The following DNAI1 variants were observed in gnomAD, a reference collection of about 807,000 sequenced individuals.
DNAI1 encodes the protein dynein axonemal intermediate chain 1.
DNAI1 carries 67 observed loss-of-function variants against 92.0 expected under a neutral mutation model. The observed-to-expected ratio is 0.73, with a 90% CI of 0.60 to 0.89. The LOEUF (loss-of-function observed/expected upper bound fraction) is 0.89. Ranked by LOEUF, DNAI1 falls within the 40% of genes least tolerant of loss-of-function variation. The probability of loss-of-function intolerance (pLI) is 0.00; values close to 1 mark genes in which losing one functional copy is unlikely to be tolerated. For missense variants in DNAI1, 839 were observed against 866.6 expected (o/e 0.97, Z 0.40); for synonymous variants, 323 against 319.6 (o/e 1.01, Z -0.11).
chr9:34,516,528 T>C (rs770887924), intron 18 of DNAI1, among the ~76,000 whole-genome samples: 76 of 152,252 alleles, frequency 5.0e-4, no homozygotes, highest in East Asian at 9.7e-4. Flanking sequence ...ACTTTACATA[T>C]ATTAACTGGT....
At chr9:34,477,963 T>A (rs1824272110) in intron 1 of DNAI1, among the ~76,000 whole-genome samples, 1 of 137,166 alleles carries the variant, frequency 7.3e-6, no homozygotes, top group Non-Finnish European at 1.5e-5. Flanking sequence ...CTCAGCTCAC[T>A]GTGACCTCTG....
At position 34,482,509 on chromosome 9, in the gene DNAI1, G is replaced by A. The variant is rs377629370; in HGVS notation, c.49-939G>A. Among the ~76,000 whole-genome samples the A allele has an allele frequency of 1.5e-3, 216 of 147,206 alleles. 1 individual carries two copies. The highest frequency in any genetic ancestry group is 5.2e-3 in the African/African-American group (204 of 39,398). On this transcript the variant is annotated intron_variant, in intron 1 of 19. Transcript: ENST00000242317. ...AGCTAGATACAGAGTGCTGATTGGTGTATTTACAATCCTTGAGCTAGACAT... is the reference window on the plus strand; with the variant it reads ...AGCTAGATACAGAGTGCTGATTGGTATATTTACAATCCTTGAGCTAGACAT...
At chr9:34,490,853 T>C (rs776921930) in intron 7 of DNAI1, among the ~76,000 whole-genome samples, 2 of 152,186 alleles carry the variant, frequency 1.3e-5, no homozygotes, top group African/African-American at 2.4e-5. Flanking sequence ...ATCTCTGTGA[T>C]AGACCAGCTG....
chr9:34,506,723 T>C lies in DNAI1; in HGVS notation c.1160T>C (p.Met387Thr). The change falls in exon 13 of 20, where the codon ATG becomes ACG. Residue 387 changes from methionine to threonine, a missense_variant. Transcript: ENST00000242317. ...EYMFSSNSGVMCLDIHVDHPY... is the reference protein window; with the variant it reads ...EYMFSSNSGVTCLDIHVDHPY... ...ATGTTCAGCAGCAACAGCGGCGTCA[T>C]GTGTCTCGACATCCACGTGGACCAC... 1.5e-5 allele frequency: 25 copies of C among 1,614,216 alleles called. No homozygotes were observed. The highest frequency in any genetic ancestry group is 2.1e-5 in the Non-Finnish European group (25 of 1,180,046).
intron 12 of DNAI1, among the ~76,000 whole-genome samples, chr9:34,503,538 T>C (rs1824871907): frequency 6.6e-6 from 1 of 152,220 alleles, no homozygotes. Context: ...ACCTCCTTTT[T>C]ATGGTATTCC....
intron 1 of DNAI1, 31 bp from the exon 2 acceptor site, chr9:34,483,417 A>G (rs780038272): frequency 3.7e-6 from 6 of 1,606,802 alleles, no homozygotes; most frequent in Non-Finnish European, 5.1e-6. Flanking sequence ...TTTGCTTATG[A>G]CTTACCTTCT....
chr9:34,460,049 G>A (rs1194410621), intron 1 of DNAI1, among the ~76,000 whole-genome samples: 2 of 152,126 alleles, frequency 1.3e-5, no homozygotes, highest in Admixed American at 6.5e-5. Context: ...TTCCCTGCGA[G>A]CCCCTGGTCC....
chr9:34,496,424 T>C (rs894742741), intron 9 of DNAI1, among the ~76,000 whole-genome samples: 3 of 152,254 alleles, frequency 2.0e-5, no homozygotes, highest in Admixed American at 1.3e-4. Flanking sequence ...TTTGCTCTTC[T>C]GTCAACCTGC....
chr9:34,492,142 A>C (rs1824612883), intron 8 of DNAI1, among the ~76,000 whole-genome samples: 2 of 152,022 alleles, frequency 1.3e-5, no homozygotes, highest in Non-Finnish European at 2.9e-5. Flanking sequence ...TGCCTCACAG[A>C]GTTGTTGGAG....
At chr9:34,513,060 G>C in intron 15 of DNAI1, 52 bp from the exon 16 acceptor site, 1 of 1,437,156 alleles carries the variant, frequency 7.0e-7, no homozygotes, top group Non-Finnish European at 9.8e-7. Flanking sequence ...GGAGGCACTG[G>C]GAGCCTCCCT....
intron 13 of DNAI1, among the ~76,000 whole-genome samples, chr9:34,511,193 C>T (rs944124565): frequency 6.6e-6 from 1 of 152,214 alleles, no homozygotes; most frequent in Non-Finnish European, 1.5e-5. Context: ...CCCACCCCAG[C>T]TCTCTGGGAC....
At chr9:34,510,788 C>T (rs754194320) in intron 13 of DNAI1, among the ~76,000 whole-genome samples, 9 of 152,152 alleles carry the variant, frequency 5.9e-5, no homozygotes, top group African/African-American at 2.2e-4. Context: ...CTGTCCCCTC[C>T]CCCCTTTAAA....
At chr9:34,491,619 C>G (rs1824596535) in intron 8 of DNAI1, 65 bp downstream of exon 8, 1 of 1,565,646 alleles carries the variant, frequency 6.4e-7, no homozygotes, top group African/African-American at 1.4e-5. Flanking sequence ...CCTCATTTAG[C>G]AGCAAAGGCA....
rs1824876721 is a variant in DNAI1 at position 34,503,840 on chromosome 9, T to C, written c.1063+2659T>C. ...GCCAGGCTACATGTTCCCAGCAGAG[T>C]AGAGAAAGAGGCTGTCAGTAGGTAT... is the stretch of plus-strand genomic sequence containing the variant. On this transcript the variant is annotated intron_variant, in intron 12 of 19. Transcript: ENST00000242317. Among the ~76,000 whole-genome samples, 3 of 152,030 alleles carry C rather than the reference T, an allele frequency of 2.0e-5. No individual in the cohort carries two copies. In the South Asian group the frequency reaches 6.2e-4, roughly 32 times the overall value.
intron 13 of DNAI1, among the ~76,000 whole-genome samples, chr9:34,510,273 TCTC>T (rs762975564): frequency 6.6e-6 from 1 of 152,168 alleles, no homozygotes; most frequent in African/African-American, 2.4e-5. Flanking sequence ...ACAGGCTTCT[TCTC>T]CAGGGAACCT....
At chr9:34,495,563 C>A (rs900547112) in intron 9 of DNAI1, among the ~76,000 whole-genome samples, 1 of 152,158 alleles carries the variant, frequency 6.6e-6, no homozygotes, top group African/African-American at 2.4e-5. Context: ...TAAATGGTAG[C>A]TATTGTTATT....
At chr9:34,516,277 G>A (rs1359653187) in intron 18 of DNAI1, among the ~76,000 whole-genome samples, 3 of 152,320 alleles carry the variant, frequency 2.0e-5, no homozygotes, top group Admixed American at 6.5e-5. Context: ...GGGCTAGAGT[G>A]TGGGATCTGG....
chr9:34,515,978 A>G (rs1825164368), intron 18 of DNAI1, among the ~76,000 whole-genome samples: 1 of 152,240 alleles, frequency 6.6e-6, no homozygotes. Flanking sequence ...CACAAAGGCC[A>G]GGCAATGAAA....
chr9:34,464,751 G>C (rs564074598), intron 1 of DNAI1, among the ~76,000 whole-genome samples: 1 of 152,206 alleles, frequency 6.6e-6, no homozygotes, highest in Non-Finnish European at 1.5e-5. Context: ...CAGTGGCCAT[G>C]ATGACGTCAG....
Sources: gnomAD v4.1 joint callset for allele counts (sites outside exome capture counted in the v4.1 genomes callset) on GRCh38, gnomAD v4.1.1 for gene constraint, MANE v1.5 for transcripts, NCBI Gene and HGNC (gene_info 2026-07-23, HGNC 2026-07-21) for gene names.